MBP: variants seen among roughly 807,000 people sequenced by gnomAD.
MBP encodes the protein myelin basic protein, also known as Golli-MBP.
In MBP, 16 loss-of-function variants were observed where a neutral mutation model predicts 35.8. The observed-to-expected ratio is 0.45, with a 90% CI of 0.30 to 0.68. MBP has a LOEUF of 0.68. MBP is among the 30% of genes least tolerant of loss of function. The probability of loss-of-function intolerance (pLI) is 0.08; values close to 1 mark genes in which losing one functional copy is unlikely to be tolerated. For synonymous variants in MBP, 143 were observed against 159.6 expected, an observed-to-expected ratio of 0.90 and a Z score of 0.78; for missense variants, 380 against 404.7, an observed-to-expected ratio of 0.94 and a Z score of 0.52.
intron 2 of MBP, among the ~76,000 whole-genome samples, chr18:77,082,343 C>T (rs958087943): frequency 3.3e-5 from 5 of 152,092 alleles, no homozygotes; most frequent in East Asian, 1.9e-4. Flanking sequence ...AGAAGCCACT[C>T]GCAAAAACCC....
At chr18:77,052,870 C>G (rs915359104) in intron 3 of MBP, among the ~76,000 whole-genome samples, 2 of 152,152 alleles carry the variant, frequency 1.3e-5, no homozygotes, top group African/African-American at 4.8e-5. Context: ...GTATACCCCC[C>G]GGGTGGACTT....
chr18:76,998,747 C>T (rs1970468466), intron 4 of MBP, among the ~76,000 whole-genome samples: 1 of 152,170 alleles, frequency 6.6e-6, no homozygotes, highest in Non-Finnish European at 1.5e-5. Flanking sequence ...AGCCCTGTGT[C>T]TGCCCCGCTC....
intron 4 of MBP, chr18:77,015,683 G>C (rs1371342594): frequency 1.0e-6 from 1 of 985,290 alleles, no homozygotes; most frequent in African/African-American, 1.7e-5. Flanking sequence ...CACGCCCACA[G>C]GAAAGGTAAA....
At chr18:77,095,650 G>A (rs1258876193) in intron 2 of MBP, 2 of 152,308 alleles carry the variant, frequency 1.3e-5, no homozygotes, top group Non-Finnish European at 1.5e-5. Flanking sequence ...GAGGTTTGAT[G>A]GGTCTGGGCT....
At chr18:77,082,131 C>T (rs546429751) in intron 2 of MBP, among the ~76,000 whole-genome samples, 32 of 152,118 alleles carry the variant, frequency 2.1e-4, no homozygotes, top group Middle Eastern at 3.4e-3. Context: ...GGATTACAGG[C>T]GTGAGCCACT....
intron 3 of MBP, among the ~76,000 whole-genome samples, chr18:77,034,856 C>T (rs765511097): frequency 6.6e-5 from 10 of 152,166 alleles, no homozygotes; most frequent in Non-Finnish European, 1.3e-4. Flanking sequence ...TCCAGGGCCC[C>T]CGTGCACCAT....
At chr18:77,043,706 C>G (rs1973105041) in intron 3 of MBP, among the ~76,000 whole-genome samples, 1 of 152,194 alleles carries the variant, frequency 6.6e-6, no homozygotes, top group Admixed American at 6.5e-5. Flanking sequence ...CCCCGCACCC[C>G]GTGGCGGACT....
chr18:77,114,996 G>A (rs1288613407), intron 1 of MBP: 1 of 152,368 alleles, frequency 6.6e-6, no homozygotes, highest in Non-Finnish European at 1.5e-5. Flanking sequence ...CCTGATGGTG[G>A]ATGCAGCTTC....
Position 77,102,508 on chromosome 18 carries a change from TCTTA to T in MBP, c.51+2699_51+2702del, listed in dbSNP as rs1281413525. 6.6e-6 allele frequency among the ~76,000 whole-genome samples: 1 copy of T among 152,252 alleles called. No homozygotes were observed. Among genetic ancestry groups the T allele is most frequent in the South Asian group, 2.1e-4 (1 of 4,820 alleles). On this transcript the variant is annotated intron_variant, in intron 2 of 8. Transcript: ENST00000355994. This position sits in a 1 kb window ranked among gnomAD's most constrained non-coding sequence, Gnocchi z 4.4. ...AAGTTTAAAGGAAAGAAAAAAAAGC[TCTTA>T]CTTCTTAAAACTACCTACAGGAACC...
chr18:77,111,157 A>C (rs68178245), intron 1 of MBP, among the ~76,000 whole-genome samples: 4,728 of 152,210 alleles, frequency 0.031, 89 homozygotes, highest in African/African-American at 0.046. Flanking sequence ...CGCTGAAGAC[A>C]CGACTCTGTG....
rs865813543 is a variant in MBP at position 76,985,581 on chromosome 18, G to A, written c.751-687C>T. The A allele has an allele frequency of 3.7e-6, 4 of 1,095,538 alleles. No homozygotes were observed. In the South Asian group the frequency reaches 9.5e-5, roughly 26 times the overall value. 67.9% of individuals were successfully genotyped at this position (1,095,538 alleles called of 1,614,324 possible). A position where few individuals can be genotyped will look rare whatever the true frequency, so the allele number is the denominator to read the frequency against. ...CGGACTGGGAGCAACAGGAGGCCGG[G>A]GCTGCTGAGCCGGACAGAGGGAGGA... On this transcript the variant is annotated intron_variant, in intron 7 of 8. Transcript: ENST00000355994.
intron 3 of MBP, among the ~76,000 whole-genome samples, chr18:77,057,444 G>T (rs1475527281): frequency 6.6e-6 from 1 of 152,204 alleles, no homozygotes; most frequent in South Asian, 2.1e-4. Context: ...GTCTAGACAG[G>T]AATACAAGGC....
intron 1 of MBP, chr18:77,114,382 G>C (rs982137474): frequency 1.3e-5 from 2 of 152,200 alleles, no homozygotes; most frequent in African/African-American, 4.8e-5. Context: ...AGAGTTCCTA[G>C]CTTGCTACAA....
intron 2 of MBP, among the ~76,000 whole-genome samples, chr18:77,075,746 T>C (rs1322551082): frequency 1.3e-5 from 2 of 152,176 alleles, no homozygotes. Flanking sequence ...CAGGAGCCAG[T>C]CAGCCATAAA....
At chr18:77,011,840 G>T (rs1971373545) in intron 4 of MBP, among the ~76,000 whole-genome samples, 1 of 152,196 alleles carries the variant, frequency 6.6e-6, no homozygotes, top group Non-Finnish European at 1.5e-5. Flanking sequence ...TTGAATCAGG[G>T]TTTGATAGGA....
At chr18:77,051,024 G>A (rs1394156342) in intron 3 of MBP, among the ~76,000 whole-genome samples, 1 of 152,002 alleles carries the variant, frequency 6.6e-6, no homozygotes, top group East Asian at 1.9e-4. Context: ...AAAAGAAATG[G>A]AACATGAAGA....
In MBP at chr18:77,131,750, C is replaced by G. The variant is rs992419326; in HGVS notation, c.-26+830G>C. ...GCGGCAAATGACCGCAGGTCACACACCCCGGCCTCGGGGGCCACGGAAAAC... is the reference window on the plus strand; with the variant it reads ...GCGGCAAATGACCGCAGGTCACACAGCCCGGCCTCGGGGGCCACGGAAAAC... On this transcript the variant is annotated intron_variant, in intron 1 of 8. Transcript: ENST00000355994. This position sits in a 1 kb window ranked among gnomAD's most constrained non-coding sequence, Gnocchi z 5.5. 3 of 152,174 alleles carry G rather than the reference C, an allele frequency of 2.0e-5. No homozygotes were observed. Among genetic ancestry groups the G allele is most frequent in the Non-Finnish European group, 2.9e-5 (2 of 68,118 alleles). 9.4% of individuals were successfully genotyped at this position (152,174 alleles called of 1,614,324 possible).
intron 3 of MBP, among the ~76,000 whole-genome samples, chr18:77,059,427 AATT>A (rs1183519406): frequency 6.6e-6 from 1 of 151,576 alleles, no homozygotes; most frequent in Non-Finnish European, 1.5e-5. Flanking sequence ...CTGCTTTATT[AATT>A]ATAATGAATT....
chr18:77,011,661 G>C (rs1328559859), intron 4 of MBP, among the ~76,000 whole-genome samples: 1 of 152,226 alleles, frequency 6.6e-6, no homozygotes, highest in Non-Finnish European at 1.5e-5. Flanking sequence ...GGCAAGAATA[G>C]CCTCTTAGGA....
Sources: gnomAD v4.1 joint callset for allele counts (sites outside exome capture counted in the v4.1 genomes callset) on GRCh38, gnomAD v4.1.1 for gene constraint, Gnocchi (gnomAD v3.1) non-coding constraint, MANE v1.5 for transcripts, NCBI Gene and HGNC (gene_info 2026-07-23, HGNC 2026-07-21) for gene names.